Variants in ALMS1 observed in about 807,000 individuals in gnomAD.
ALMS1 encodes the protein ALMS1 centrosome and basal body associated protein, also known as centrosome-associated protein ALMS1.
In ALMS1, 271 loss-of-function variants were observed where a neutral mutation model predicts 352.2. The observed-to-expected ratio is 0.77, with a 90% confidence interval of 0.70 to 0.85. The LOEUF is 0.85. ALMS1 is among the 40% of genes least tolerant of loss of function. The pLI is 0.00. For missense variants in ALMS1, 5,445 were observed against 4,870.7 expected (o/e 1.12, Z -3.51); for synonymous variants, 1,865 against 1,761.2 (o/e 1.06, Z -1.48).
At chr2:73,434,146 C>A (rs1019086640) in intron 7 of ALMS1, among the ~76,000 whole-genome samples, 5 of 151,216 alleles carry the variant, frequency 3.3e-5, no homozygotes, top group Non-Finnish European at 5.9e-5. Context: ...TTCCTTCCTT[C>A]CATTTGCTTT....
intron 8 of ALMS1, 65 bp downstream of exon 8, chr2:73,454,132 A>G: frequency 1.9e-6 from 3 of 1,547,248 alleles, no homozygotes; most frequent in Non-Finnish European, 2.6e-6. Context: ...TTAGATATTT[A>G]TGTTTTGAGG....
chr2:73,501,481 C>T (rs1338356021), intron 10 of ALMS1, among the ~76,000 whole-genome samples: 2 of 151,952 alleles, frequency 1.3e-5, no homozygotes, highest in African/African-American at 2.4e-5. Context: ...TCCAAATTCT[C>T]CTTTGTGGTG....
At position 73,448,160 on chromosome 2, in the gene ALMS1, A is replaced by G. The variant is rs201647675; in HGVS notation, c.1633A>G (p.Thr545Ala). 5.6e-6 allele frequency: 9 copies of G among 1,614,024 alleles called. No individual in the cohort carries two copies. Among genetic ancestry groups the G allele is most frequent in the Admixed American group, 3.3e-5 (2 of 59,988 alleles). Reference sequence around the variant, plus strand: ...TCTCAACCAAAAGACATTAGCAGATACTCATCTAACTGAAGAGACTCTGAA... The same window carrying G: ...TCTCAACCAAAAGACATTAGCAGATGCTCATCTAACTGAAGAGACTCTGAA... ...DTLNQKTLAD[T>A]HLTEETLKVT... Residue 545 changes from threonine to alanine, a missense_variant, in exon 8 of 23, where the codon ACT (threonine) becomes GCT (alanine). Transcript: ENST00000613296.
intron 15 of ALMS1, among the ~76,000 whole-genome samples, chr2:73,568,958 C>G (rs1331062325): frequency 8.1e-6 from 1 of 123,376 alleles, no homozygotes; most frequent in Non-Finnish European, 1.6e-5. Flanking sequence ...GCCCTTTATA[C>G]TTAAGGAATT....
At chr2:73,388,590 T>C (rs1670585228) in intron 1 of ALMS1, among the ~76,000 whole-genome samples, 1 of 152,344 alleles carries the variant, frequency 6.6e-6, no homozygotes, top group African/African-American at 2.4e-5. Flanking sequence ...TGTTTCTGAA[T>C]TGTTTCACTT....
At chr2:73,592,380 C>T (rs1232203333) in intron 16 of ALMS1, among the ~76,000 whole-genome samples, 1 of 152,200 alleles carries the variant, frequency 6.6e-6, no homozygotes, top group Non-Finnish European at 1.5e-5. Context: ...GTCATTGTGT[C>T]ACCCCTTGGT....
At chr2:73,604,350 A>T (rs1675768720) in intron 21 of ALMS1, among the ~76,000 whole-genome samples, 1 of 152,202 alleles carries the variant, frequency 6.6e-6, no homozygotes, top group African/African-American at 2.4e-5. Context: ...GTGAGCTGTG[A>T]TCACACCATT....
At chr2:73,575,646 A>G (rs1222013731) in intron 16 of ALMS1, among the ~76,000 whole-genome samples, 1 of 152,040 alleles carries the variant, frequency 6.6e-6, no homozygotes, top group Admixed American at 6.6e-5. Flanking sequence ...TTTTCAAGTC[A>G]TTTGGCCATT....
chr2:73,528,003 G>T (rs945994728), intron 11 of ALMS1, among the ~76,000 whole-genome samples: 1 of 151,668 alleles, frequency 6.6e-6, no homozygotes, highest in African/African-American at 2.4e-5. Context: ...TTTCTTCCTT[G>T]ACCCACTGGT....
Position 73,519,935 on chromosome 2 carries a change from AAC to A in ALMS1, c.9701_9702del (p.Asn3234ThrfsTer35). On this transcript the variant is annotated frameshift_variant, in exon 11 of 23. Transcript: ENST00000613296. LOFTEE classifies it high-confidence loss of function. ...DRGHEIIEPG[N>X]QKLRKAPVKF... ...TGGACATGAAATTATAGAGCCTGGTAACCAGAAGCTACGCAAAGCTCCTGTCA... is the reference window on the plus strand; with the variant it reads ...TGGACATGAAATTATAGAGCCTGGTACAGAAGCTACGCAAAGCTCCTGTCA... 6.2e-7 allele frequency: 1 copy of A among 1,614,148 alleles called. No individual in the cohort carries two copies.
chr2:73,524,536 ACCTCTG>A (rs1673749267), intron 11 of ALMS1, among the ~76,000 whole-genome samples: 1 of 151,892 alleles, frequency 6.6e-6, no homozygotes, highest in African/African-American at 2.4e-5. Flanking sequence ...GCTCACTGCA[ACCTCTG>A]CCTCCTTGGT....
At chr2:73,583,196 C>CT (rs145512133) in intron 16 of ALMS1, among the ~76,000 whole-genome samples, 107 of 143,818 alleles carry the variant, frequency 7.4e-4, no homozygotes, top group South Asian at 1.8e-3. Flanking sequence ...TCCACTTTTA[C>CT]TTTTTTTTTT....
intron 9 of ALMS1, among the ~76,000 whole-genome samples, chr2:73,468,424 G>C (rs555670352): frequency 6.6e-6 from 1 of 152,026 alleles, no homozygotes; most frequent in Non-Finnish European, 1.5e-5. Flanking sequence ...GTTTTTAAGT[G>C]TACAGTTTAC....
intron 1 of ALMS1, among the ~76,000 whole-genome samples, chr2:73,394,630 G>C (rs146244832): frequency 2.6e-5 from 4 of 152,172 alleles, no homozygotes; most frequent in Non-Finnish European, 5.9e-5. Flanking sequence ...GATTGCAGGC[G>C]TGAGCCACCG....
intron 16 of ALMS1, among the ~76,000 whole-genome samples, chr2:73,590,601 G>T (rs570294724): frequency 1.3e-5 from 2 of 148,492 alleles, no homozygotes; most frequent in East Asian, 4.0e-4. Flanking sequence ...TTCTCTGAAG[G>T]TTTTTTTCCT....
Position 73,448,105 on chromosome 2 carries a change from A to G in ALMS1, c.1578A>G (p.Leu526=), listed in dbSNP as rs753222733. The G allele has an allele frequency of 4.3e-6, 7 of 1,613,838 alleles. No homozygotes were observed. Among genetic ancestry groups the G allele is most frequent in the Non-Finnish European group, 5.9e-6 (7 of 1,179,820 alleles). Residue 526 remains leucine, a synonymous_variant, in exon 8 of 23, where the codon CTA becomes CTG. Transcript: ENST00000613296. ...DLSQLAVSSP[L]ETTTGQHTDT... is the part of the protein sequence containing the mutation. ...CTCAGTTGGCTGTAAGTTCTCCTCT[A>G]GAAACTACTACTGGTCAACACACTG... is the stretch of plus-strand genomic sequence containing the variant.
intron 17 of ALMS1, 80 bp from the exon 18 acceptor site, chr2:73,600,598 G>A: frequency 5.4e-6 from 7 of 1,287,450 alleles, no homozygotes; most frequent in South Asian, 2.9e-5. Context: ...CATTAAAAAG[G>A]GTTCACGTAC....
Position 73,453,706 on chromosome 2 carries a change from A to G in ALMS1, c.7179A>G (p.Glu2393=). The stretch of plus-strand genomic sequence containing the variant: ...AATCTGTAATGAGGTCTGAACCTGA[A>G]GGGTGTAGTGGAACCATTGGGAATA... ...AAKSVMRSEP[E]GCSGTIGNKI... Residue 2393 remains glutamate, a synonymous_variant, in exon 8 of 23, where the codon GAA becomes GAG. Coordinates refer to ENST00000613296, the MANE Select transcript of ALMS1 (RefSeq NM_001378454.1). The G allele has an allele frequency of 2.5e-6, 4 of 1,614,160 alleles. No homozygotes were observed. The highest frequency in any genetic ancestry group is 3.4e-6 in the Non-Finnish European group (4 of 1,180,020).
At chr2:73,552,139 G>A (rs1181335325) in intron 13 of ALMS1, among the ~76,000 whole-genome samples, 1 of 152,018 alleles carries the variant, frequency 6.6e-6, no homozygotes, top group Non-Finnish European at 1.5e-5. Flanking sequence ...GTGCCATGCT[G>A]GTGTGCTGCA....
Sources: gnomAD v4.1 joint callset for allele counts (sites outside exome capture counted in the v4.1 genomes callset) on GRCh38, gnomAD v4.1.1 for gene constraint, MANE v1.5 for transcripts, NCBI Gene and HGNC (gene_info 2026-07-23, HGNC 2026-07-21) for gene names.